USH2A: variants seen among roughly 807,000 people sequenced by gnomAD.
USH2A encodes the protein Usher syndrome 2A (autosomal recessive, mild).
A neutral mutation model predicts 538.9 loss-of-function variants in USH2A; 443 were observed. The ratio of observed to expected loss-of-function variants is 0.82; its 90% CI spans 0.76 to 0.89. USH2A has a LOEUF of 0.89. Among genes scored for constraint, USH2A ranks in the 40% least tolerant of loss-of-function variants. The pLI is 0.00. For synonymous variants in USH2A, 2,413 were observed against 2,273.5 expected (o/e 1.06, Z -1.75); for missense variants, 6,633 against 6,324.8 (o/e 1.05, Z -1.65).
chr1:216,362,608 T>C (rs1489302167), intron 4 of USH2A, among the ~76,000 whole-genome samples: 2 of 152,124 alleles, frequency 1.3e-5, no homozygotes, highest in African/African-American at 4.8e-5. Context: ...TCAACTTCTA[T>C]GAATTTATTT....
intron 37 of USH2A, among the ~76,000 whole-genome samples, chr1:215,962,410 GC>G (rs1401298008): frequency 1.3e-5 from 2 of 151,982 alleles, no homozygotes; most frequent in Non-Finnish European, 2.9e-5. Flanking sequence ...AAATTAAATG[GC>G]CATTAATAAG....
intron 4 of USH2A, among the ~76,000 whole-genome samples, chr1:216,352,109 G>C (rs1195577563): frequency 6.6e-6 from 1 of 152,132 alleles, no homozygotes; most frequent in Non-Finnish European, 1.5e-5. Context: ...GTTCAGGAAA[G>C]AGGCTGGGGT....
chr1:215,792,552 A>C (rs1264774398), intron 50 of USH2A, among the ~76,000 whole-genome samples: 1 of 152,206 alleles, frequency 6.6e-6, no homozygotes, highest in Non-Finnish European at 1.5e-5. Context: ...CCAGATTTTT[A>C]TGCAGCATTT....
intron 21 of USH2A, among the ~76,000 whole-genome samples, chr1:216,105,192 C>T (rs549322277): frequency 7.2e-5 from 11 of 152,064 alleles, no homozygotes; most frequent in Middle Eastern, 6.8e-3. Context: ...TAATGGTTAG[C>T]GCTTTGTTTG....
chr1:216,230,909 C>T (rs1487033412), intron 14 of USH2A, among the ~76,000 whole-genome samples: 3 of 151,614 alleles, frequency 2.0e-5, no homozygotes, highest in Admixed American at 2.0e-4. Context: ...CACACACACA[C>T]ACACACACAG....
chr1:216,039,489 T>C (rs1408144046), intron 32 of USH2A, among the ~76,000 whole-genome samples: 2 of 152,050 alleles, frequency 1.3e-5, no homozygotes, highest in Admixed American at 6.6e-5. Context: ...TCTGCTTTAT[T>C]AATATTAGAG....
chr1:216,198,387 A>G lies in USH2A; in HGVS notation c.4009T>C (p.Phe1337Leu), dbSNP rs2034901487. 1 of 1,613,892 alleles carries G rather than the reference A, an allele frequency of 6.2e-7. No individual in the cohort carries two copies. Among genetic ancestry groups the G allele is most frequent in the African/African-American group, 1.3e-5 (1 of 74,902 alleles). Residue 1337 changes from phenylalanine to leucine, a missense_variant, in exon 18 of 72, where the codon TTC becomes CTC. Physicochemically the swap from Phe to Leu is conservative, Grantham distance 22 (BLOSUM62 0). Transcript: ENST00000307340. ...GCCATATTCACAGCTAAGACTCTGA[A>G]CTCATACTTGGTGTATGGCTCCAAG... ...TGLEPYTKYE[F>L]RVLAVNMAGS... is the part of the protein sequence containing the mutation.
At chr1:215,754,704 G>T (rs576023233) in intron 58 of USH2A, among the ~76,000 whole-genome samples, 10 of 152,134 alleles carry the variant, frequency 6.6e-5, no homozygotes, top group Admixed American at 5.9e-4. Context: ...TCCCAAGAAA[G>T]TTTTTGAATT....
rs1277801396 is a variant in USH2A, at chr1:216,149,079, A to C, written c.4627+26173T>G. On this transcript the variant is annotated intron_variant, in intron 21 of 71. Coordinates refer to ENST00000307340, the MANE Select transcript of USH2A (RefSeq NM_206933.4). ...CTACAGAACAACTCCTTTCCTTCCT[A>C]GGCATGGTTAGCACGGTCAGAATTT... 1.3e-5 allele frequency among the ~76,000 whole-genome samples: 2 copies of C among 152,018 alleles called. 1 individual carries two copies. The highest frequency in any genetic ancestry group is 2.9e-5 in the Non-Finnish European group (2 of 68,002).
chr1:216,025,859 A>G (rs1308119686), intron 32 of USH2A, among the ~76,000 whole-genome samples: 1 of 152,104 alleles, frequency 6.6e-6, no homozygotes, highest in African/African-American at 2.4e-5. Flanking sequence ...TGCATAATAG[A>G]GCTACACAAG....
chr1:215,753,253 C>T (rs553445373), intron 58 of USH2A, among the ~76,000 whole-genome samples: 12 of 152,156 alleles, frequency 7.9e-5, no homozygotes, highest in South Asian at 4.2e-4. Context: ...GTCAGTGTGG[C>T]GATTCCTCAG....
At chr1:215,665,657 G>A (rs2677113) in intron 64 of USH2A, among the ~76,000 whole-genome samples, 142,624 of 152,276 alleles carry the variant, frequency 0.94, 67,371 homozygotes, top group Non-Finnish European at 0.99. Context: ...GAAAAATATT[G>A]TCTTAATTTG....
At chr1:215,921,844 T>A (rs1270294626) in intron 38 of USH2A, among the ~76,000 whole-genome samples, 1 of 152,040 alleles carries the variant, frequency 6.6e-6, no homozygotes, top group African/African-American at 2.4e-5. Context: ...GAGAATAAAA[T>A]GAGTTAATAT....
chr1:216,072,392 A>T (rs2031585082), intron 29 of USH2A: 1 of 195,002 alleles, frequency 5.1e-6, no homozygotes, highest in Non-Finnish European at 1.1e-5. Context: ...TGGGAGAGTC[A>T]TTCTAAGATT....
At chr1:216,128,365 G>A (rs538849263) in intron 21 of USH2A, among the ~76,000 whole-genome samples, 3 of 152,114 alleles carry the variant, frequency 2.0e-5, no homozygotes, top group African/African-American at 7.2e-5. Flanking sequence ...TTGAATTCAC[G>A]TATTTTGACC....
chr1:215,910,310 T>C (rs964548639), intron 38 of USH2A, among the ~76,000 whole-genome samples: 1 of 151,990 alleles, frequency 6.6e-6, no homozygotes, highest in Non-Finnish European at 1.5e-5. Flanking sequence ...TGTCTTTATT[T>C]AGAGTTTATT....
intron 40 of USH2A, among the ~76,000 whole-genome samples, chr1:215,890,542 A>C (rs565512605): frequency 2.0e-5 from 3 of 152,306 alleles, no homozygotes; most frequent in East Asian, 3.9e-4. Flanking sequence ...TTGGTAATGT[A>C]TCCTATTTGA....
rs749333215 is a variant in USH2A, at chr1:216,048,564, G to A, written c.6133C>T (p.His2045Tyr). Reference sequence around the variant, plus strand: ...TGTGGAGTAGAGATGTTCAATGCATGTGAGCTCTCAGTACAGCCAGCCAAA... The same window carrying A: ...TGTGGAGTAGAGATGTTCAATGCATATGAGCTCTCAGTACAGCCAGCCAAA... ...CTLAGCTESS[H>Y]ALNISTPQEA... Residue 2045 changes from histidine (H) to tyrosine (Y), a missense_variant, in exon 31 of 72, where the codon CAT becomes TAT. Transcript: ENST00000307340. 2.2e-5 allele frequency: 36 copies of A among 1,613,950 alleles called. No homozygotes were observed. The highest frequency in any genetic ancestry group is 3.0e-5 in the Non-Finnish European group (35 of 1,179,968).
chr1:216,128,795 T>C (rs2033309725), intron 21 of USH2A, among the ~76,000 whole-genome samples: 1 of 152,030 alleles, frequency 6.6e-6, no homozygotes, highest in African/African-American at 2.4e-5. Flanking sequence ...ATACAATAAA[T>C]TATTGTTAAT....
Sources: allele counts gnomAD v4.1 joint callset (sites outside exome capture counted in the v4.1 genomes callset), GRCh38; gene constraint gnomAD v4.1.1; transcripts MANE v1.5; gene names NCBI Gene and HGNC (gene_info 2026-07-23, HGNC 2026-07-21).